SLC6A4: variants seen among roughly 807,000 people sequenced by gnomAD.
The protein encoded by SLC6A4 is solute carrier family 6 member 4.
A neutral mutation model predicts 73.4 loss-of-function variants in SLC6A4; 22 were observed. The ratio of observed to expected loss-of-function variants is 0.30; its 90% CI spans 0.21 to 0.43. SLC6A4 has a LOEUF of 0.43. Ranked by LOEUF, SLC6A4 falls within the 20% of genes least tolerant of loss-of-function variation. The pLI is 1.00. For synonymous variants in SLC6A4, 270 were observed against 315.5 expected (o/e 0.86, Z 1.53); for missense variants, 593 against 808.5 (o/e 0.73, Z 3.23).
At chr17:30,219,476 A>G (rs1205976041) in intron 3 of SLC6A4, among the ~76,000 whole-genome samples, 1 of 152,200 alleles carries the variant, frequency 6.6e-6, no homozygotes, top group African/African-American at 2.4e-5. Context: ...AATCTGTAGC[A>G]ACAGCTGCAA....
chr17:30,222,002 C>T lies in SLC6A4; in HGVS notation c.-44G>A, dbSNP rs201894045. 2 of 1,613,194 alleles carry T rather than the reference C, an allele frequency of 1.2e-6. No homozygotes were observed. Among genetic ancestry groups the T allele is most frequent in the Non-Finnish European group, 1.7e-6 (2 of 1,179,816 alleles). ...ACACTGATGTCCATCTGCCAAGGAT[C>T]CCAATTGATCTCTGGGTGCTTGGAT... On this transcript the variant is annotated 5_prime_UTR_variant, in exon 3 of 15. Coordinates refer to ENST00000650711, the MANE Select transcript of SLC6A4 (RefSeq NM_001045.6).
rs747167318 is a variant in SLC6A4, at chr17:30,218,323, T to C, written c.493A>G (p.Ile165Val). 6.2e-7 allele frequency: 1 copy of C among 1,613,604 alleles called. No homozygotes were observed. The highest frequency in any genetic ancestry group is 1.3e-5 in the African/African-American group (1 of 74,900). Reference sequence around the variant, plus strand: ...GCAATGTAAAAGGCAATGATGCAGATGGCATAACCAATCCCTGGGCAGTGG... The same window carrying C: ...GCAATGTAAAAGGCAATGATGCAGACGGCATAACCAATCCCTGGGCAGTGG... ...CPIFKGIGYA[I>V]CIIAFYIASY... is the part of the protein sequence containing the mutation. Residue 165 changes from isoleucine (I) to valine (V), a missense_variant, in exon 5 of 15, where the codon ATC (isoleucine) becomes GTC (valine). Physicochemically the swap from Ile to Val is conservative, Grantham distance 29. Transcript: ENST00000650711.
At chr17:30,216,249 C>A in intron 6 of SLC6A4, 33 bp from the exon 7 acceptor site, 1 of 1,179,348 alleles carries the variant, frequency 8.5e-7, no homozygotes, top group Non-Finnish European at 1.1e-6. Flanking sequence ...CCATGCTGTT[C>A]CAGGGAGGGG....
rs1335702224 is a variant in SLC6A4 at position 30,211,482 on chromosome 17, C to T, written c.1205-58G>A. On this transcript the variant is annotated intron_variant, in intron 9 of 14. Transcript: ENST00000650711. This position sits in a 1 kb window ranked among gnomAD's most constrained non-coding sequence, Gnocchi z 4.0. ...GACAAGACCTGTCCTACAAAGATGT[C>T]ACAGAGGAAAACTCAGCCACAACAA... 1.8e-6 allele frequency: 2 copies of T among 1,083,902 alleles called. No individual in the cohort carries two copies. The highest frequency in any genetic ancestry group is 3.1e-5 in the African/African-American group (2 of 64,668). The allele number at this position is 1,083,902 out of a possible 1,614,324, so 67.1% of individuals were successfully genotyped here.
rs1321110716 is a variant in SLC6A4 at position 30,235,655 on chromosome 17, G to T, written c.-263C>A. 6.6e-6 allele frequency: 1 copy of T among 152,356 alleles called. No homozygotes were observed. Among genetic ancestry groups the T allele is most frequent in the African/African-American group, 2.4e-5 (1 of 41,448 alleles). The allele number at this position is 152,356 out of a possible 1,614,324, so 9.4% of individuals were successfully genotyped here. ...GAGGCTGGTCCCGGGCTGGGCAGGC[G>T]GGCTGGCCTCGCGCCCTCGAGGCAC... On this transcript the variant is annotated 5_prime_UTR_variant, in exon 1 of 15. Coordinates refer to ENST00000650711, the MANE Select transcript of SLC6A4 (RefSeq NM_001045.6). The surrounding 1 kb of genome is among the most constrained non-coding windows in gnomAD (Gnocchi z 4.5).
Position 30,211,180 on chromosome 17 carries a change from G to A in SLC6A4, c.1317+132C>T, listed in dbSNP as rs1567817748. On this transcript the variant is annotated intron_variant, in intron 10 of 14. Coordinates refer to ENST00000650711, the MANE Select transcript of SLC6A4 (RefSeq NM_001045.6). The surrounding 1 kb of genome is among the most constrained non-coding windows in gnomAD (Gnocchi z 4.0). ...GTAAATGCCGAGGAGTCAGCCGGGG[G>A]TCTGGAGCACCAGAAGGGAGTAGCC... The A allele has an allele frequency of 6.3e-6, 4 of 632,768 alleles. No homozygotes were observed. The East Asian group carries it at 1.1e-4, about 17-fold the overall frequency. The allele number at this position is 632,768 out of a possible 1,614,324, so 39.2% of individuals were successfully genotyped here.
chr17:30,209,288 C>T (rs765657802), intron 11 of SLC6A4, 46 bp from the exon 12 acceptor site: 1 of 1,186,766 alleles, frequency 8.4e-7, no homozygotes, highest in Admixed American at 1.7e-5. Flanking sequence ...CAAGGAGCCA[C>T]CCCTCCCAAC....
intron 1 of SLC6A4, among the ~76,000 whole-genome samples, chr17:30,224,483 G>C (rs1038363195): frequency 2.6e-5 from 4 of 152,180 alleles, no homozygotes; most frequent in Admixed American, 2.6e-4. Flanking sequence ...CTCCCAAAGA[G>C]CTGAGATCAC....
chr17:30,215,746 G>T, intron 7 of SLC6A4, 32 bp from the exon 8 acceptor site: 1 of 1,582,840 alleles, frequency 6.3e-7, no homozygotes, highest in East Asian at 2.2e-5. Flanking sequence ...GGCATGGGGT[G>T]AGGGGGAGAC....
chr17:30,207,893 T>C, intron 12 of SLC6A4, 61 bp from the exon 13 acceptor site: 1 of 1,241,712 alleles, frequency 8.1e-7, no homozygotes, highest in South Asian at 1.2e-5. Flanking sequence ...TGTGCTGCTG[T>C]GCCCTGATTC....
Position 30,195,064 on chromosome 17 carries a change from A to G in SLC6A4, c.*3392T>C, listed in dbSNP as rs1905811514. 6.6e-6 allele frequency: 1 copy of G among 152,178 alleles called. No individual in the cohort carries two copies. The highest frequency in any genetic ancestry group is 1.5e-5 in the Non-Finnish European group (1 of 68,036). 9.4% of individuals were successfully genotyped at this position (152,178 alleles called of 1,614,324 possible). A position where few individuals can be genotyped will look rare whatever the true frequency, so the allele number is the denominator to read the frequency against. Reference sequence around the variant, plus strand: ...AAGAGAAATACCACCTGACATTCCAACTGAAATATATTGTGAATCATTTTC... The same window carrying G: ...AAGAGAAATACCACCTGACATTCCAGCTGAAATATATTGTGAATCATTTTC... On this transcript the variant is annotated 3_prime_UTR_variant, in exon 15 of 15. Transcript: ENST00000650711.
At chr17:30,215,535 C>A in intron 8 of SLC6A4, 76 bp downstream of exon 8, 2 of 1,229,588 alleles carry the variant, frequency 1.6e-6, no homozygotes, top group Non-Finnish European at 2.4e-6. Context: ...GCCGTCGGTC[C>A]AATCACCTTC....
At chr17:30,218,424 C>T (rs1182860811) in intron 4 of SLC6A4, 87 bp from the exon 5 acceptor site, 14 of 1,020,554 alleles carry the variant, frequency 1.4e-5, no homozygotes, top group Non-Finnish European at 1.8e-5. Flanking sequence ...TGGAGAGCCC[C>T]GCAGCCCAGC....
rs538620487 is a variant in SLC6A4 at position 30,225,270 on chromosome 17, C to T, written c.-220-2355G>A. Among the ~76,000 whole-genome samples the T allele has an allele frequency of 4.6e-5, 7 of 152,282 alleles. No individual in the cohort carries two copies. The South Asian group carries it at 1.5e-3, about 32-fold the overall frequency. On this transcript the variant is annotated intron_variant, in intron 1 of 14. Transcript: ENST00000650711. Reference sequence around the variant, plus strand: ...TCTGCCTCTGCCAGGTAGAGGAAAACTCCTCTCGGTGACTAATCGGGTCTG... The same window carrying T: ...TCTGCCTCTGCCAGGTAGAGGAAAATTCCTCTCGGTGACTAATCGGGTCTG...
chr17:30,201,153 A>G (rs1305426550), intron 14 of SLC6A4, among the ~76,000 whole-genome samples: 1 of 152,152 alleles, frequency 6.6e-6, no homozygotes, highest in Non-Finnish European at 1.5e-5. Flanking sequence ...CTTTTTCTCC[A>G]GCAGTAATAC....
intron 1 of SLC6A4, among the ~76,000 whole-genome samples, chr17:30,226,872 C>CAA (rs9303630): frequency 8.9e-5 from 10 of 112,336 alleles, no homozygotes; most frequent in Non-Finnish European, 7.0e-5. Context: ...GACTCTGTCT[C>CAA]AAAAAAAAAA....
At chr17:30,222,566 A>C (rs1341297823) in intron 2 of SLC6A4, among the ~76,000 whole-genome samples, 1 of 152,216 alleles carries the variant, frequency 6.6e-6, no homozygotes, top group African/African-American at 2.4e-5. Context: ...GCACACCCAA[A>C]GTTATATTTT....
chr17:30,207,599 C>G, intron 13 of SLC6A4, 133 bp downstream of exon 13: 1 of 598,052 alleles, frequency 1.7e-6, no homozygotes, highest in Non-Finnish European at 3.0e-6. Context: ...CCATGTTGGC[C>G]GCCTGCCTCA....
intron 5 of SLC6A4, 43 bp downstream of exon 5, chr17:30,218,075 G>T: frequency 6.5e-7 from 1 of 1,536,096 alleles, no homozygotes; most frequent in Non-Finnish European, 9.0e-7. Flanking sequence ...CCAGGGGTGT[G>T]GCCTGCCCCT....
Sources: allele counts gnomAD v4.1 joint callset (sites outside exome capture counted in the v4.1 genomes callset), GRCh38; gene constraint gnomAD v4.1.1; non-coding constraint Gnocchi (gnomAD v3.1); transcripts MANE v1.5; gene names NCBI Gene and HGNC (gene_info 2026-07-23, HGNC 2026-07-21).